Variants in MMAA observed in about 807,000 individuals in gnomAD.
MMAA encodes methylmalonic aciduria type A protein, mitochondrial.
In MMAA, 41 loss-of-function variants were observed where a neutral mutation model predicts 45.0. The observed-to-expected ratio is 0.91, with a 90% CI of 0.71 to 1.18. MMAA has a LOEUF of 1.18. Ranked by LOEUF, MMAA falls within the 50% of genes most tolerant of loss-of-function variation. The probability of loss-of-function intolerance (pLI) is 0.00; values close to 1 mark genes in which losing one functional copy is unlikely to be tolerated. For synonymous variants in MMAA, 154 were observed against 178.2 expected (o/e 0.86, Z 1.08); for missense variants, 460 against 495.7 (o/e 0.93, Z 0.68).
chr4:145,653,269 T>C (rs1728147062), intron 5 of MMAA, among the ~76,000 whole-genome samples: 1 of 152,226 alleles, frequency 6.6e-6, no homozygotes, highest in Non-Finnish European at 1.5e-5. Flanking sequence ...AAACATTAAC[T>C]ATTAGTATTT....
intron 1 of MMAA, chr4:145,624,781 C>T: frequency 1.2e-6 from 2 of 1,605,240 alleles, no homozygotes; most frequent in Non-Finnish European, 1.7e-6. Context: ...ACGCACTCTG[C>T]AAAGCTTATG....
chr4:145,626,757 A>G (rs555447464), intron 1 of MMAA, among the ~76,000 whole-genome samples: 1 of 152,290 alleles, frequency 6.6e-6, no homozygotes, highest in East Asian at 1.9e-4. Context: ...CCACTGTAGG[A>G]TTGTTGTGAG....
At chr4:145,648,149 T>C (rs911278754) in intron 4 of MMAA, among the ~76,000 whole-genome samples, 1 of 137,980 alleles carries the variant, frequency 7.2e-6, no homozygotes, top group African/African-American at 2.7e-5. Context: ...TGCCTGGCCT[T>C]TTTTTTTTTT....
chr4:145,655,239 G>C lies in MMAA; in HGVS notation c.1062G>C (p.Glu354Asp). Residue 354 changes from glutamate (E) to aspartate (D), a missense_variant, in exon 7 of 7, where the codon GAG becomes GAC. By Grantham distance (45) the Glu-to-Asp change is conservative. Coordinates refer to ENST00000649156, the MANE Select transcript of MMAA (RefSeq NM_172250.3). ...DFQDLMLASG[E>D]LTAKRRKQQK... is the part of the protein sequence containing the mutation. Reference sequence around the variant, plus strand: ...AGGACCTAATGCTTGCCAGTGGGGAGCTGACTGCCAAACGACGGAAGCAAC... The same window carrying C: ...AGGACCTAATGCTTGCCAGTGGGGACCTGACTGCCAAACGACGGAAGCAAC... 5 of 1,614,144 alleles carry C rather than the reference G, an allele frequency of 3.1e-6. No homozygotes were observed. The highest frequency in any genetic ancestry group is 4.2e-6 in the Non-Finnish European group (5 of 1,180,004).
chr4:145,647,285 A>G lies in MMAA; in HGVS notation c.733+1129A>G, dbSNP rs547164667. 2.7e-4 allele frequency among the ~76,000 whole-genome samples: 41 copies of G among 152,340 alleles called. 1 individual carries two copies. Among genetic ancestry groups the G allele is most frequent in the African/African-American group, 9.1e-4 (38 of 41,584 alleles). ...AAAAAGTAGATTTGCAGAGAGGAAA[A>G]CAATGAGTTCAGTTGTGAATATATT... On this transcript the variant is annotated intron_variant, in intron 4 of 6. Transcript: ENST00000649156.
intron 3 of MMAA, among the ~76,000 whole-genome samples, chr4:145,645,746 G>A (rs898105647): frequency 1.3e-5 from 2 of 152,198 alleles, no homozygotes; most frequent in African/African-American, 4.8e-5. Flanking sequence ...AGGTGCGGCT[G>A]AAGAATCTAG....
In MMAA at chr4:145,658,286, A is replaced by G. The variant is rs1324647394; in HGVS notation, c.*2852A>G. 1.3e-5 allele frequency: 2 copies of G among 152,160 alleles called. No homozygotes were observed. The highest frequency in any genetic ancestry group is 1.9e-4 in the East Asian group (1 of 5,200). 9.4% of individuals were successfully genotyped at this position (152,160 alleles called of 1,614,324 possible). A position where few individuals can be genotyped will look rare whatever the true frequency, so the allele number is the denominator to read the frequency against. ...ACAGCCTAATACAGGTGCTAAATAC[A>G]TATCTGACAATAAATGGTAGTTATC... On this transcript the variant is annotated 3_prime_UTR_variant, in exon 7 of 7. Transcript: ENST00000649156.
At chr4:145,625,096 G>A (rs1220769343) in intron 1 of MMAA, 5 of 1,009,260 alleles carry the variant, frequency 5.0e-6, no homozygotes, top group Non-Finnish European at 7.8e-6. Context: ...GGGATTCCTG[G>A]AGAGTCACTA....
chr4:145,647,765 C>A (rs550822512), intron 4 of MMAA, among the ~76,000 whole-genome samples: 1 of 152,192 alleles, frequency 6.6e-6, no homozygotes, highest in African/African-American at 2.4e-5. Context: ...ACCCTTATGA[C>A]CTCATTTAAT....
At chr4:145,633,572 T>G (rs1343022364) in intron 1 of MMAA, among the ~76,000 whole-genome samples, 2 of 152,230 alleles carry the variant, frequency 1.3e-5, no homozygotes, top group African/African-American at 4.8e-5. Context: ...TATCTCTATT[T>G]CTCCAGGATT....
chr4:145,626,174 A>G, intron 1 of MMAA: 1 of 478,644 alleles, frequency 2.1e-6, no homozygotes, highest in Admixed American at 3.7e-5. Context: ...TCTTCCCATG[A>G]GAAAGCAGGA....
intron 1 of MMAA, among the ~76,000 whole-genome samples, chr4:145,629,412 T>C (rs1734277356): frequency 6.6e-6 from 1 of 152,216 alleles, no homozygotes; most frequent in Non-Finnish European, 1.5e-5. Flanking sequence ...TGATTAATGA[T>C]CTTTTTAATG....
chr4:145,628,882 CTA>C (rs1294764003), intron 1 of MMAA, among the ~76,000 whole-genome samples: 5 of 152,002 alleles, frequency 3.3e-5, no homozygotes, highest in Non-Finnish European at 5.9e-5. Context: ...TATAGTTATT[CTA>C]TGTGTGTGTG....
chr4:145,656,477 G>A lies in MMAA; in HGVS notation c.*1043G>A, dbSNP rs1192219622. The stretch of plus-strand genomic sequence containing the variant: ...AGGTTAGTGAAGATAGGAAATACTC[G>A]AAGGCTGCTTACTATCCTTATTACA... On this transcript the variant is annotated 3_prime_UTR_variant, in exon 7 of 7. Coordinates refer to ENST00000649156, the MANE Select transcript of MMAA (RefSeq NM_172250.3). The A allele has an allele frequency of 2.6e-5, 4 of 151,906 alleles. No homozygotes were observed. Among genetic ancestry groups the A allele is most frequent in the Admixed American group, 1.3e-4 (2 of 15,252 alleles). The allele number at this position is 151,906 out of a possible 1,614,324, so 9.4% of individuals were successfully genotyped here.
rs1728337969 is a variant in MMAA at position 145,659,873 on chromosome 4, A to G, written c.*4439A>G. The G allele has an allele frequency of 6.6e-6, 1 of 152,088 alleles. No individual in the cohort carries two copies. Among genetic ancestry groups the G allele is most frequent in the Admixed American group, 6.6e-5 (1 of 15,264 alleles). 9.4% of individuals were successfully genotyped at this position (152,088 alleles called of 1,614,324 possible). Reference sequence around the variant, plus strand: ...ATACACTACCTTACTGTTGCGAACCATAGTCACCCTACTGTGCAATAGAAC... The same window carrying G: ...ATACACTACCTTACTGTTGCGAACCGTAGTCACCCTACTGTGCAATAGAAC... On this transcript the variant is annotated 3_prime_UTR_variant, in exon 7 of 7. Transcript: ENST00000649156.
rs1325777873 is a variant in MMAA, at chr4:145,655,156, A to G, written c.979A>G (p.Ile327Val). Residue 327 changes from isoleucine to valine, a missense_variant, in exon 7 of 7, where the codon ATT becomes GTT. Coordinates refer to ENST00000649156, the MANE Select transcript of MMAA (RefSeq NM_172250.3). ...SQVWKPKVIR[I>V]SARSGEGISE... The stretch of plus-strand genomic sequence containing the variant: ...CTTCCCTTTTCGATAGGTAATTCGT[A>G]TTTCTGCCCGAAGTGGAGAGGGGAT... 1 of 1,614,054 alleles carries G rather than the reference A, an allele frequency of 6.2e-7. No homozygotes were observed. The highest frequency in any genetic ancestry group is 1.7e-5 in the Admixed American group (1 of 60,018).
intron 1 of MMAA, chr4:145,625,033 C>T: frequency 1.1e-6 from 1 of 900,656 alleles, no homozygotes; most frequent in East Asian, 2.4e-5. Flanking sequence ...GGAACAAGAG[C>T]TCAAACTTCT....
intron 6 of MMAA, among the ~76,000 whole-genome samples, chr4:145,654,873 CAATTAAAATAAAATAAATTA>C (rs1385676307): frequency 1.3e-5 from 2 of 152,102 alleles, no homozygotes; most frequent in Non-Finnish European, 2.9e-5. Flanking sequence ...ACCATCTGAG[CAATTAAAATAAAATAAATTA>C]AATTAAAATA....
rs754630744 is a variant in MMAA at position 145,655,221 on chromosome 4, A to C, written c.1044A>C (p.Leu348=). The change falls in exon 7 of 7, where the codon CTA becomes CTC. Residue 348 remains leucine (L), a synonymous_variant. Transcript: ENST00000649156. ...ATAAAATGAAAGATTTCCAGGACCT[A>C]ATGCTTGCCAGTGGGGAGCTGACTG... ...MWDKMKDFQD[L]MLASGELTAK... 1 of 1,614,208 alleles carries C rather than the reference A, an allele frequency of 6.2e-7. No individual in the cohort carries two copies. Among genetic ancestry groups the C allele is most frequent in the Non-Finnish European group, 8.5e-7 (1 of 1,180,022 alleles).
Sources: allele counts gnomAD v4.1 joint callset (sites outside exome capture counted in the v4.1 genomes callset), GRCh38; gene constraint gnomAD v4.1.1; transcripts MANE v1.5; gene names NCBI Gene and HGNC (gene_info 2026-07-23, HGNC 2026-07-21).